The following TMEM237 variants were observed in gnomAD, a reference collection of about 807,000 sequenced individuals.
TMEM237 encodes the protein transmembrane protein 237.
In TMEM237, 51 loss-of-function variants were observed where a neutral mutation model predicts 59.1. That is an observed-to-expected ratio of 0.86 (90% confidence interval 0.69 to 1.09). The LOEUF is 1.09. Ranked by LOEUF, TMEM237 falls within the 50% of genes least tolerant of loss-of-function variation. The pLI, the probability that TMEM237 is intolerant of heterozygous loss-of-function variation, is 0.00. For missense variants in TMEM237, 475 were observed against 478.3 expected (o/e 0.99, Z 0.06); for synonymous variants, 140 against 166.1 (o/e 0.84, Z 1.21).
At chr2:201,631,267 G>A (rs551466977) in intron 7 of TMEM237, 2 of 152,134 alleles carry the variant, frequency 1.3e-5, no homozygotes, top group Non-Finnish European at 2.9e-5. Context: ...AGCCAGGAAG[G>A]GGCCTTCTCC....
At chr2:201,634,672 A>T (rs556995138) in intron 5 of TMEM237, 1 of 172,226 alleles carries the variant, frequency 5.8e-6, no homozygotes, top group African/African-American at 2.4e-5. Flanking sequence ...CACTAATGAA[A>T]TAAACTGTAG....
chr2:201,629,365 A>G lies in TMEM237; in HGVS notation c.734T>C (p.Val245Ala), dbSNP rs1356717954. Residue 245 changes from valine (V) to alanine (A), a missense_variant, in exon 9 of 13, where the codon GTT (valine) becomes GCT (alanine). Coordinates refer to ENST00000409883, the MANE Select transcript of TMEM237 (RefSeq NM_001044385.3). Reference protein sequence around the residue: ...FLAGCAVWNIVVIYVLAGDQL... With the variant: ...FLAGCAVWNIAVIYVLAGDQL... ...ATCTCCTGCTAGAACATATATCACA[A>G]CAATATTCCACACAGCACAGCCAGC... 1 of 1,606,054 alleles carries G rather than the reference A, an allele frequency of 6.2e-7. No homozygotes were observed. Among genetic ancestry groups the G allele is most frequent in the Admixed American group, 1.7e-5 (1 of 57,754 alleles).
At chr2:201,631,569 G>A (rs543927915) in intron 7 of TMEM237, among the ~76,000 whole-genome samples, 2 of 152,268 alleles carry the variant, frequency 1.3e-5, no homozygotes, top group South Asian at 2.1e-4. Flanking sequence ...ACTACCAATT[G>A]CAGCAAACTG....
Position 201,622,290 on chromosome 2 carries a change from C to T in TMEM237, c.*1965G>A, listed in dbSNP as rs947203821. 2 of 152,258 alleles carry T rather than the reference C, an allele frequency of 1.3e-5. No individual in the cohort carries two copies. Among genetic ancestry groups the T allele is most frequent in the Non-Finnish European group, 2.9e-5 (2 of 68,070 alleles). 9.4% of individuals were successfully genotyped at this position (152,258 alleles called of 1,614,324 possible). A position where few individuals can be genotyped will look rare whatever the true frequency, so the allele number is the denominator to read the frequency against. On this transcript the variant is annotated 3_prime_UTR_variant, in exon 13 of 13. Transcript: ENST00000409883. ...CTATTGCTGCCATAAGCAATCACCA[C>T]CAATTTAGCAGCTTAGTCAACATAC...
At chr2:201,639,881 T>C (rs565729240) in intron 3 of TMEM237, among the ~76,000 whole-genome samples, 3 of 152,310 alleles carry the variant, frequency 2.0e-5, no homozygotes, top group East Asian at 1.9e-4. Context: ...ATTTTTGCCA[T>C]AGCAGACTTT....
chr2:201,642,794 C>G, intron 1 of TMEM237: 1 of 1,411,390 alleles, frequency 7.1e-7, no homozygotes, highest in South Asian at 1.6e-5. Flanking sequence ...CGTGCAGGGA[C>G]CTGGATTGGC....
At position 201,626,036 on chromosome 2, in the gene TMEM237, A is replaced by G. The variant is rs1433231780; in HGVS notation, c.1149T>C (p.Asp383=). 3 of 1,586,416 alleles carry G rather than the reference A, an allele frequency of 1.9e-6. No individual in the cohort carries two copies. Among genetic ancestry groups the G allele is most frequent in the Non-Finnish European group, 2.6e-6 (3 of 1,165,272 alleles). The change falls in exon 12 of 13, where the codon GAT becomes GAC. Residue 383 remains aspartate, a synonymous_variant. Transcript: ENST00000409883. The part of the protein sequence containing the change: ...WLFLSYRPGM[D]LSEELMFSSE... ...TTTTTTCTTTAATACCTTCACTAAG[A>G]TCCATGCCTGGCCTATAAGACAAAA...
chr2:201,638,253 T>A (rs752207481), intron 4 of TMEM237, among the ~76,000 whole-genome samples: 1 of 151,652 alleles, frequency 6.6e-6, no homozygotes, highest in Non-Finnish European at 1.5e-5. Flanking sequence ...GTTTTTGTTG[T>A]TGTTTGTTTG....
chr2:201,635,761 T>TC lies in TMEM237; in HGVS notation c.274+986_274+987insG, dbSNP rs1687288112. On this transcript the variant is annotated intron_variant, in intron 5 of 12. Transcript: ENST00000409883. This position sits in a 1 kb window ranked among gnomAD's most constrained non-coding sequence, Gnocchi z 4.5. ...TGGGCTATAAGAGTGAAACTCCATCTTAAAAAAAAAAAAAAAGAGGCTCGA... is the reference window on the plus strand; with the variant it reads ...TGGGCTATAAGAGTGAAACTCCATCTCTAAAAAAAAAAAAAAAGAGGCTCGA... Among the ~76,000 whole-genome samples the TC allele has an allele frequency of 1.0e-4, 9 of 89,032 alleles. No homozygotes were observed. Among genetic ancestry groups the TC allele is most frequent in the African/African-American group, 4.3e-4 (9 of 21,036 alleles). The allele number at this position is 89,032 out of a possible 152,430, so 58.4% of individuals were successfully genotyped here.
In TMEM237 at chr2:201,627,405, G is replaced by A. The variant is rs555422545; in HGVS notation, c.953C>T (p.Thr318Ile). ...PTALASFLYFTALILSLSQQM... is the reference protein window; with the variant it reads ...PTALASFLYFIALILSLSQQM... Reference sequence around the variant, plus strand: ...CTGACTCAGAGATAGTATAAGAGCAGTAAAGTACACTGAGAAAAAGACAAA... The same window carrying A: ...CTGACTCAGAGATAGTATAAGAGCAATAAAGTACACTGAGAAAAAGACAAA... Residue 318 changes from threonine (T) to isoleucine (I), a missense_variant, in exon 11 of 13, where the codon ACT (threonine) becomes ATT (isoleucine). Coordinates refer to ENST00000409883, the MANE Select transcript of TMEM237 (RefSeq NM_001044385.3). 5.0e-6 allele frequency: 8 copies of A among 1,592,606 alleles called. No individual in the cohort carries two copies. The Admixed American group carries it at 8.7e-5, about 17-fold the overall frequency.
At chr2:201,642,779 A>G in intron 1 of TMEM237, 1 of 1,427,520 alleles carries the variant, frequency 7.0e-7, no homozygotes, top group Non-Finnish European at 9.1e-7. Context: ...TGTTGCGGTG[A>G]GAGGCGTGCA....
At chr2:201,624,410 A>C (rs1213729469) in intron 12 of TMEM237, 88 bp from the exon 13 acceptor site, 5 of 928,148 alleles carry the variant, frequency 5.4e-6, no homozygotes, top group Non-Finnish European at 8.0e-6. Context: ...ATAGTCCTTT[A>C]AAAAATTGAC....
chr2:201,635,532 T>A lies in TMEM237; in HGVS notation c.274+1216A>T, dbSNP rs1687283134. Among the ~76,000 whole-genome samples the A allele has an allele frequency of 6.6e-6, 1 of 152,080 alleles. No individual in the cohort carries two copies. Among genetic ancestry groups the A allele is most frequent in the South Asian group, 2.1e-4 (1 of 4,828 alleles). On this transcript the variant is annotated intron_variant, in intron 5 of 12. Transcript: ENST00000409883. The surrounding 1 kb of genome is among the most constrained non-coding windows in gnomAD (Gnocchi z 4.5). ...ATCCCAGCACTTTGGGAGGCCGAGG[T>A]GGGCGGATCACCTGAGGTCAGGAGT...
chr2:201,625,346 A>G (rs1957749029), intron 12 of TMEM237, among the ~76,000 whole-genome samples: 1 of 152,130 alleles, frequency 6.6e-6, no homozygotes, highest in Admixed American at 6.5e-5. Flanking sequence ...TGGGCGACAC[A>G]GCGAGACTCC....
rs930612785 is a variant in TMEM237 at position 201,623,500 on chromosome 2, A to G, written c.*755T>C. 6.4e-6 allele frequency: 1 copy of G among 156,788 alleles called. No homozygotes were observed. Among genetic ancestry groups the G allele is most frequent in the African/African-American group, 2.4e-5 (1 of 41,674 alleles). 9.7% of individuals were successfully genotyped at this position (156,788 alleles called of 1,614,324 possible). A position where few individuals can be genotyped will look rare whatever the true frequency, so the allele number is the denominator to read the frequency against. On this transcript the variant is annotated 3_prime_UTR_variant, in exon 13 of 13. Coordinates refer to ENST00000409883, the MANE Select transcript of TMEM237 (RefSeq NM_001044385.3). Reference sequence around the variant, plus strand: ...AGAGGAAAGGGTACTGCAGATGTCAACTGGGAGCCCACAAGCTCACAGGTC... The same window carrying G: ...AGAGGAAAGGGTACTGCAGATGTCAGCTGGGAGCCCACAAGCTCACAGGTC...
At chr2:201,631,934 G>A (rs1957811484) in intron 7 of TMEM237, 117 bp downstream of exon 7, 1 of 1,085,538 alleles carries the variant, frequency 9.2e-7, no homozygotes, top group African/African-American at 1.6e-5. Flanking sequence ...CCAGTTTTGT[G>A]TATAAATTGT....
At chr2:201,633,899 G>A (rs1330960649) in intron 5 of TMEM237, among the ~76,000 whole-genome samples, 1 of 152,224 alleles carries the variant, frequency 6.6e-6, no homozygotes, top group East Asian at 1.9e-4. Flanking sequence ...GGAGAGTAAT[G>A]AGTTGTGACA....
rs370862699 is a variant in TMEM237 at position 201,635,275 on chromosome 2, G to A, written c.274+1473C>T. Among the ~76,000 whole-genome samples the A allele has an allele frequency of 5.3e-5, 8 of 152,160 alleles. No individual in the cohort carries two copies. The highest frequency in any genetic ancestry group is 1.9e-4 in the African/African-American group (8 of 41,430). ...AGTGTAACCTTATTTGGAAACAAGAGTCTTTGCAGATGAAATCAAGTTAAG... is the reference window on the plus strand; with the variant it reads ...AGTGTAACCTTATTTGGAAACAAGAATCTTTGCAGATGAAATCAAGTTAAG... On this transcript the variant is annotated intron_variant, in intron 5 of 12. Transcript: ENST00000409883. This position sits in a 1 kb window ranked among gnomAD's most constrained non-coding sequence, Gnocchi z 4.5.
At chr2:201,625,279 A>G (rs568521478) in intron 12 of TMEM237, among the ~76,000 whole-genome samples, 1 of 152,050 alleles carries the variant, frequency 6.6e-6, no homozygotes, top group South Asian at 2.1e-4. Flanking sequence ...GGAGAATGAC[A>G]TGAACCCGGG....
Sources: gnomAD v4.1 joint callset for allele counts (sites outside exome capture counted in the v4.1 genomes callset) on GRCh38, gnomAD v4.1.1 for gene constraint, Gnocchi (gnomAD v3.1) non-coding constraint, MANE v1.5 for transcripts, NCBI Gene and HGNC (gene_info 2026-07-23, HGNC 2026-07-21) for gene names.